FAM149B1: variants seen among roughly 807,000 people sequenced by gnomAD.
FAM149B1 encodes primary cilium assembly protein FAM149B1.
A neutral mutation model predicts 75.3 loss-of-function variants in FAM149B1; 56 were observed. The ratio of observed to expected loss-of-function variants is 0.74; its 90% CI spans 0.60 to 0.93. The LOEUF is 0.93. Among genes scored for constraint, FAM149B1 ranks in the 40% least tolerant of loss-of-function variants. The pLI, the probability that FAM149B1 is intolerant of heterozygous loss-of-function variation, is 0.00. For missense variants in FAM149B1, 639 were observed against 708.4 expected, an observed-to-expected ratio of 0.90 and a Z score of 1.11; for synonymous variants, 259 against 256.1, an observed-to-expected ratio of 1.01 and a Z score of -0.11.
chr10:73,177,743 A>G, intron 2 of FAM149B1, 103 bp from the exon 3 acceptor site: 1 of 1,004,044 alleles, frequency 1.0e-6, no homozygotes, highest in African/African-American at 1.7e-5. Context: ...ATTTGTACAC[A>G]TGTTAATCAC....
intron 5 of FAM149B1, among the ~76,000 whole-genome samples, chr10:73,198,102 G>C (rs983754023): frequency 2.0e-5 from 3 of 152,192 alleles, no homozygotes; most frequent in Non-Finnish European, 4.4e-5. Flanking sequence ...AAGACTACCT[G>C]GGTAAAGGAC....
At chr10:73,208,904 A>C in intron 6 of FAM149B1, 118 bp downstream of exon 6, 2 of 603,464 alleles carry the variant, frequency 3.3e-6, no homozygotes, top group Non-Finnish European at 4.9e-6. Flanking sequence ...TCTGTTATTT[A>C]TTTTATGTTA....
chr10:73,171,795 A>AT (rs1307324764), intron 1 of FAM149B1, among the ~76,000 whole-genome samples: 2 of 151,654 alleles, frequency 1.3e-5, no homozygotes, highest in Non-Finnish European at 2.9e-5. Context: ...TGCCCAGCTA[A>AT]TTTTTTGTAT....
At position 73,242,587 on chromosome 10, in the gene FAM149B1, A is replaced by G. The variant is rs1009145114; in HGVS notation, c.*1568A>G. The G allele has an allele frequency of 1.3e-5, 2 of 152,216 alleles. No homozygotes were observed. The highest frequency in any genetic ancestry group is 2.9e-5 in the Non-Finnish European group (2 of 68,042). The allele number at this position is 152,216 out of a possible 1,614,324, so 9.4% of individuals were successfully genotyped here. A position where few individuals can be genotyped will look rare whatever the true frequency, so the allele number is the denominator to read the frequency against. On this transcript the variant is annotated 3_prime_UTR_variant, in exon 14 of 14. Transcript: ENST00000242505. ...GTTTTGATGTAGTAACTCTTTTATA[A>G]AAGGGAACAGATTCAGACAAGCTCA...
intron 7 of FAM149B1, among the ~76,000 whole-genome samples, chr10:73,220,977 A>G (rs535876601): frequency 6.6e-6 from 1 of 152,252 alleles, no homozygotes; most frequent in South Asian, 2.1e-4. Context: ...TACATGTTAC[A>G]ACATGGATGA....
chr10:73,229,430 C>A (rs1196626114), intron 8 of FAM149B1, among the ~76,000 whole-genome samples: 1 of 152,188 alleles, frequency 6.6e-6, no homozygotes, highest in East Asian at 1.9e-4. Flanking sequence ...CAAAAACTAG[C>A]TGGGCATGGT....
At chr10:73,173,105 C>A (rs1347612731) in intron 1 of FAM149B1, among the ~76,000 whole-genome samples, 1 of 152,074 alleles carries the variant, frequency 6.6e-6, no homozygotes, top group Non-Finnish European at 1.5e-5. Flanking sequence ...GACAACACAG[C>A]AAGACCCCAT....
chr10:73,230,658 A>G, intron 9 of FAM149B1, 133 bp downstream of exon 9: 2 of 612,810 alleles, frequency 3.3e-6, no homozygotes, highest in South Asian at 3.7e-5. Flanking sequence ...AAAACATCCA[A>G]GGGACATGGT....
At chr10:73,236,725 C>CT (rs112151486) in intron 12 of FAM149B1, among the ~76,000 whole-genome samples, 14,541 of 135,762 alleles carry the variant, frequency 0.11, 1,083 homozygotes, top group East Asian at 0.31. Flanking sequence ...TTTTTCTTTT[C>CT]TTTTTTTTTT....
chr10:73,202,172 AAAAG>A (rs1169105906), intron 5 of FAM149B1, among the ~76,000 whole-genome samples: 17 of 152,202 alleles, frequency 1.1e-4, no homozygotes, highest in Non-Finnish European at 5.9e-5. Flanking sequence ...CTCAAAAACA[AAAAG>A]AAAGAAATAA....
chr10:73,235,196 C>T lies in FAM149B1; in HGVS notation c.1480C>T (p.Pro494Ser), dbSNP rs1239568733. The change falls in exon 12 of 14, where the codon CCC (proline) becomes TCC (serine). Residue 494 changes from proline (P) to serine (S), a missense_variant. Coordinates refer to ENST00000242505, the MANE Select transcript of FAM149B1 (RefSeq NM_173348.2). The stretch of plus-strand genomic sequence containing the variant: ...GTAACTTTTGTCTCCTCTGCAGAAA[C>T]CCCATGGCGACTCTAGTCGAGCTCA... Reference protein sequence around the residue: ...STVGPQRQMKPHGDSSRAQSA... With the variant: ...STVGPQRQMKSHGDSSRAQSA... 1.9e-6 allele frequency: 3 copies of T among 1,551,454 alleles called. No homozygotes were observed. The highest frequency in any genetic ancestry group is 4.9e-5 in the East Asian group (2 of 40,930).
Position 73,192,179 on chromosome 10 carries a change from C to T in FAM149B1, c.283-377C>T, listed in dbSNP as rs958407516. 9 of 153,608 alleles carry T rather than the reference C, an allele frequency of 5.9e-5. No homozygotes were observed. The South Asian group carries it at 6.0e-4, about 10-fold the overall frequency. 9.5% of individuals were successfully genotyped at this position (153,608 alleles called of 1,614,324 possible). On this transcript the variant is annotated intron_variant, in intron 3 of 13. Transcript: ENST00000242505. The stretch of plus-strand genomic sequence containing the variant: ...TCTCCCAAAGTGCTGGGTTTACAGG[C>T]GTGAGCTACCACGCCTGGCCTTTTT...
intron 3 of FAM149B1, among the ~76,000 whole-genome samples, chr10:73,189,499 C>T (rs1477746957): frequency 6.6e-6 from 1 of 152,166 alleles, no homozygotes; most frequent in Non-Finnish European, 1.5e-5. Context: ...ACATAAACGT[C>T]CCTTAACAGG....
In FAM149B1 at chr10:73,241,501, T is replaced by C. The variant is rs2043951641; in HGVS notation, c.*482T>C. 6.0e-6 allele frequency: 1 copy of C among 166,582 alleles called. No individual in the cohort carries two copies. The highest frequency in any genetic ancestry group is 2.4e-5 in the African/African-American group (1 of 41,702). 10.3% of individuals were successfully genotyped at this position (166,582 alleles called of 1,614,324 possible). A position where few individuals can be genotyped will look rare whatever the true frequency, so the allele number is the denominator to read the frequency against. On this transcript the variant is annotated 3_prime_UTR_variant, in exon 14 of 14. Transcript: ENST00000242505. ...ATCTGACCTCATCAAATAGATGTCA[T>C]TCCTAAAACTCTCTTTAGATGTCCT... is the stretch of plus-strand genomic sequence containing the variant.
intron 3 of FAM149B1, among the ~76,000 whole-genome samples, chr10:73,183,002 A>G (rs746701568): frequency 6.6e-6 from 1 of 152,150 alleles, no homozygotes; most frequent in Non-Finnish European, 1.5e-5. Context: ...CCTCCTGTAC[A>G]GATCCCCTCC....
At chr10:73,233,208 C>T in intron 10 of FAM149B1, 45 bp downstream of exon 10, 1 of 1,246,022 alleles carries the variant, frequency 8.0e-7, no homozygotes, top group African/African-American at 1.5e-5. Flanking sequence ...GTAAAACTAA[C>T]ACATTTTACA....
In FAM149B1 at chr10:73,235,191, A is replaced by G; in HGVS notation, c.1477-2A>G. 1 of 1,551,672 alleles carries G rather than the reference A, an allele frequency of 6.4e-7. No individual in the cohort carries two copies. Among genetic ancestry groups the G allele is most frequent in the Non-Finnish European group, 8.7e-7 (1 of 1,146,922 alleles). Reference sequence around the variant, plus strand: ...TTTCTGTAACTTTTGTCTCCTCTGCAGAAACCCCATGGCGACTCTAGTCGA... The same window carrying G: ...TTTCTGTAACTTTTGTCTCCTCTGCGGAAACCCCATGGCGACTCTAGTCGA... On this transcript the variant is annotated splice_acceptor_variant, in intron 11 of 13. Coordinates refer to ENST00000242505, the MANE Select transcript of FAM149B1 (RefSeq NM_173348.2). LOFTEE classifies it high-confidence loss of function.
chr10:73,207,722 G>A (rs775645241), intron 5 of FAM149B1, among the ~76,000 whole-genome samples: 1 of 152,200 alleles, frequency 6.6e-6, no homozygotes, highest in Non-Finnish European at 1.5e-5. Flanking sequence ...GGGACATCAA[G>A]GGGTTCTAAG....
chr10:73,174,567 T>C, intron 1 of FAM149B1, 120 bp from the exon 2 acceptor site: 2 of 631,656 alleles, frequency 3.2e-6, no homozygotes, highest in South Asian at 5.0e-5. Flanking sequence ...CACTGGTGGC[T>C]ACCATATCAG....
Sources: allele counts gnomAD v4.1 joint callset (sites outside exome capture counted in the v4.1 genomes callset), GRCh38; gene constraint gnomAD v4.1.1; transcripts MANE v1.5; gene names NCBI Gene and HGNC (gene_info 2026-07-23, HGNC 2026-07-21).